Variants in SEMA6D observed in about 807,000 individuals in gnomAD.
The protein encoded by SEMA6D is semaphorin 6D, also known as semaphorin-6D.
A neutral mutation model predicts 106.6 loss-of-function variants in SEMA6D; 35 were observed. The ratio of observed to expected loss-of-function variants is 0.33; its 90% CI spans 0.25 to 0.44. SEMA6D has a LOEUF of 0.44. SEMA6D is among the 20% of genes least tolerant of loss of function. The pLI is 1.00. For synonymous variants in SEMA6D, 499 were observed against 487.7 expected, an observed-to-expected ratio of 1.02 and a Z score of -0.31; for missense variants, 1,185 against 1,345.9, an observed-to-expected ratio of 0.88 and a Z score of 1.87.
At chr15:47,328,250 AG>A (rs1254621632) in intron 1 of SEMA6D, among the ~76,000 whole-genome samples, 1 of 152,226 alleles carries the variant, frequency 6.6e-6, no homozygotes, top group African/African-American at 2.4e-5. Context: ...GTAGCTAGCA[AG>A]GGTATGTGGG....
At chr15:47,190,126 G>T (rs1055856718) in intron 1 of SEMA6D, among the ~76,000 whole-genome samples, 1 of 152,124 alleles carries the variant, frequency 6.6e-6, no homozygotes, top group Non-Finnish European at 1.5e-5. Flanking sequence ...TCAGAAATAA[G>T]CTAGCTAAGG....
intron 1 of SEMA6D, among the ~76,000 whole-genome samples, chr15:47,735,191 G>A (rs1417042737): frequency 6.6e-6 from 1 of 152,184 alleles, no homozygotes; most frequent in African/African-American, 2.4e-5. Context: ...CCTCTGGCAT[G>A]GGCACTAACC....
At chr15:47,294,075 G>C (rs2035702504) in intron 1 of SEMA6D, among the ~76,000 whole-genome samples, 1 of 151,812 alleles carries the variant, frequency 6.6e-6, no homozygotes, top group African/African-American at 2.4e-5. Context: ...AGAACTGCCT[G>C]AAAAGAAATG....
intron 4 of SEMA6D, among the ~76,000 whole-genome samples, chr15:47,711,862 C>T (rs756471542): frequency 6.6e-6 from 1 of 152,100 alleles, no homozygotes; most frequent in Non-Finnish European, 1.5e-5. Context: ...CAGTAGGTGG[C>T]ACTAGTGGTT....
chr15:47,761,422 A>C lies in SEMA6D; in HGVS notation c.438A>C (p.Arg146Ser), dbSNP rs1163949293. ...CGTNAFNPMC[R>S]YYRLSTLEYD... ...CCAATGCATTCAATCCCATGTGTAG[A>C]TACTACAGGGTAAGTATATTTTATG... The change falls in exon 6 of 19, where the codon AGA (arginine) becomes AGC (serine). Residue 146 changes from arginine (R) to serine (S), a missense_variant. Transcript: ENST00000536845. 6.2e-7 allele frequency: 1 copy of C among 1,609,320 alleles called. No individual in the cohort carries two copies. Among genetic ancestry groups the C allele is most frequent in the African/African-American group, 1.3e-5 (1 of 74,902 alleles).
chr15:47,607,104 CAGAT>C (rs60640869), intron 4 of SEMA6D, among the ~76,000 whole-genome samples: 31,255 of 151,858 alleles, frequency 0.21, 3,952 homozygotes, highest in African/African-American at 0.34. Context: ...AGGACTTGAT[CAGAT>C]AGATACCTTT....
At chr15:47,553,545 A>AT (rs2045826797) in intron 3 of SEMA6D, among the ~76,000 whole-genome samples, 1 of 152,134 alleles carries the variant, frequency 6.6e-6, no homozygotes, top group Non-Finnish European at 1.5e-5. Flanking sequence ...CTACTGATGT[A>AT]TTGTACCAGT....
chr15:47,457,989 G>A (rs931375654), intron 2 of SEMA6D, among the ~76,000 whole-genome samples: 2 of 151,820 alleles, frequency 1.3e-5, no homozygotes, highest in Admixed American at 1.3e-4. Flanking sequence ...AGAAGACAGA[G>A]AAGAAACCTC....
chr15:47,504,844 G>A (rs79399997), intron 3 of SEMA6D, among the ~76,000 whole-genome samples: 3,418 of 152,158 alleles, frequency 0.022, 114 homozygotes, highest in African/African-American at 0.073. Context: ...TCACTTCCCC[G>A]GGGAGTGTCT....
chr15:47,309,983 T>C (rs1449158682), intron 1 of SEMA6D, among the ~76,000 whole-genome samples: 1 of 152,184 alleles, frequency 6.6e-6, no homozygotes, highest in East Asian at 1.9e-4. Context: ...AGTAGGGCCA[T>C]ACTTCTCAGA....
At chr15:47,369,107 A>G (rs1473334563) in intron 1 of SEMA6D, among the ~76,000 whole-genome samples, 1 of 152,230 alleles carries the variant, frequency 6.6e-6, no homozygotes, top group African/African-American at 2.4e-5. Context: ...AGATATCAAG[A>G]TAGTGGTTAC....
At chr15:47,245,874 G>A (rs1016135046) in intron 1 of SEMA6D, among the ~76,000 whole-genome samples, 1 of 152,116 alleles carries the variant, frequency 6.6e-6, no homozygotes, top group Admixed American at 6.5e-5. Flanking sequence ...ATAGATAGCA[G>A]TAGTGGAATG....
At chr15:47,267,076 C>G (rs1393458743) in intron 1 of SEMA6D, among the ~76,000 whole-genome samples, 1 of 152,070 alleles carries the variant, frequency 6.6e-6, no homozygotes, top group Non-Finnish European at 1.5e-5. Flanking sequence ...CTTCATTTTG[C>G]TTTACGCCTT....
chr15:47,537,091 C>T (rs992140791), intron 3 of SEMA6D, among the ~76,000 whole-genome samples: 3 of 152,114 alleles, frequency 2.0e-5, no homozygotes, highest in African/African-American at 7.2e-5. Flanking sequence ...AGAGTAAAAC[C>T]AGGAAATACT....
chr15:47,650,354 T>A (rs1355442457), intron 4 of SEMA6D, among the ~76,000 whole-genome samples: 1 of 152,230 alleles, frequency 6.6e-6, no homozygotes, highest in African/African-American at 2.4e-5. Flanking sequence ...AACCTCTCTG[T>A]CCAAGAAACC....
rs553434335 is a variant in SEMA6D at position 47,758,513 on chromosome 15, A to G, written c.-54-1232A>G. On this transcript the variant is annotated intron_variant, in intron 1 of 18. Transcript: ENST00000536845. The stretch of plus-strand genomic sequence containing the variant: ...CAAAAATATCCATCTCATTGACCCA[A>G]CAGGGCCCTAATTCATCTTTTTAAT... Among the ~76,000 whole-genome samples, 5 of 152,280 alleles carry G rather than the reference A, an allele frequency of 3.3e-5. No homozygotes were observed. The East Asian group carries it at 7.7e-4, about 24-fold the overall frequency.
intron 3 of SEMA6D, among the ~76,000 whole-genome samples, chr15:47,474,190 T>A (rs957251658): frequency 2.6e-5 from 4 of 151,960 alleles, no homozygotes; most frequent in African/African-American, 9.7e-5. Context: ...ACTCATGGAG[T>A]GAACTGAGTT....
intron 2 of SEMA6D, among the ~76,000 whole-genome samples, chr15:47,468,306 A>G (rs1439120709): frequency 6.6e-6 from 1 of 152,220 alleles, no homozygotes; most frequent in Non-Finnish European, 1.5e-5. Flanking sequence ...AATTAACAGC[A>G]TTAGCAGAAA....
chr15:47,451,165 A>G (rs1180853783), intron 2 of SEMA6D, among the ~76,000 whole-genome samples: 2 of 152,068 alleles, frequency 1.3e-5, no homozygotes, highest in Non-Finnish European at 2.9e-5. Context: ...GTCCAGTGAA[A>G]GAAGGTGCAG....
Sources: allele counts gnomAD v4.1 joint callset (sites outside exome capture counted in the v4.1 genomes callset), GRCh38; gene constraint gnomAD v4.1.1; transcripts MANE v1.5; gene names NCBI Gene and HGNC (gene_info 2026-07-23, HGNC 2026-07-21).